SUMF1: variants seen among roughly 807,000 people sequenced by gnomAD.
SUMF1 encodes the protein sulfatase modifying factor 1, also known as formylglycine-generating enzyme.
Under a neutral mutation model 47.6 loss-of-function variants are expected in SUMF1, and 48 were observed. The ratio of observed to expected loss-of-function variants is 1.01; its 90% CI spans 0.80 to 1.28. The LOEUF (loss-of-function observed/expected upper bound fraction) is 1.28, where lower values mean the gene tolerates loss of function less well. SUMF1 is among the 50% of genes most tolerant of loss of function. The pLI, the probability that SUMF1 is intolerant of heterozygous loss-of-function variation, is 0.00. For missense variants in SUMF1, 571 were observed against 485.4 expected (o/e 1.18, Z -1.66); for synonymous variants, 230 against 192.1 (o/e 1.20, Z -1.63).
intron 8 of SUMF1, among the ~76,000 whole-genome samples, chr3:4,256,494 G>A (rs1430197851): frequency 2.0e-5 from 3 of 146,356 alleles, no homozygotes; most frequent in Non-Finnish European, 1.5e-5. Context: ...ACACCTCTAT[G>A]CAAATAAACT....
At chr3:4,344,442 A>C (rs987169457) in intron 8 of SUMF1, among the ~76,000 whole-genome samples, 2 of 152,178 alleles carry the variant, frequency 1.3e-5, no homozygotes, top group African/African-American at 4.8e-5. Context: ...CCTACAGAAG[A>C]GGGACCTGAC....
intron 8 of SUMF1, among the ~76,000 whole-genome samples, chr3:4,155,757 C>A (rs909113437): frequency 6.6e-6 from 1 of 151,272 alleles, no homozygotes; most frequent in African/African-American, 2.5e-5. Flanking sequence ...CCTGTCAGTC[C>A]GAAGCATCCC....
intron 8 of SUMF1, among the ~76,000 whole-genome samples, chr3:4,198,188 AAG>A (rs1193911573): frequency 3.3e-5 from 5 of 152,212 alleles, no homozygotes; most frequent in Admixed American, 2.6e-4. Flanking sequence ...GGTATAAACA[AAG>A]AGTGGAAATA....
chr3:4,334,810 G>A (rs1417180763), intron 8 of SUMF1, among the ~76,000 whole-genome samples: 1 of 152,184 alleles, frequency 6.6e-6, no homozygotes, highest in East Asian at 1.9e-4. Flanking sequence ...AGCCCTGATG[G>A]GAATTTTAAC....
At chr3:4,142,583 C>T (rs1391657552) in intron 8 of SUMF1, among the ~76,000 whole-genome samples, 1 of 152,120 alleles carries the variant, frequency 6.6e-6, no homozygotes, top group Non-Finnish European at 1.5e-5. Flanking sequence ...CTAACACAAA[C>T]AGTTTTCTGC....
chr3:4,407,761 A>G lies in SUMF1; in HGVS notation c.954+3104T>C, dbSNP rs184728897. Among the ~76,000 whole-genome samples, 4 of 152,352 alleles carry G rather than the reference A, an allele frequency of 2.6e-5. No homozygotes were observed. The East Asian group carries it at 5.8e-4, about 22-fold the overall frequency. On this transcript the variant is annotated intron_variant, in intron 7 of 8. Transcript: ENST00000272902. Reference sequence around the variant, plus strand: ...GTGAAACTGTTTTCCTTAGAGATCTATTGCCTCAAATGGCAGATGTAAGGC... The same window carrying G: ...GTGAAACTGTTTTCCTTAGAGATCTGTTGCCTCAAATGGCAGATGTAAGGC...
At chr3:4,152,525 T>A (rs1323044772) in intron 8 of SUMF1, among the ~76,000 whole-genome samples, 2 of 151,004 alleles carry the variant, frequency 1.3e-5, no homozygotes, top group African/African-American at 4.9e-5. Context: ...ACTCCTGGGC[T>A]CAAGTGATCC....
intron 8 of SUMF1, among the ~76,000 whole-genome samples, chr3:4,149,478 A>G (rs1344842974): frequency 6.6e-6 from 1 of 152,082 alleles, no homozygotes; most frequent in East Asian, 1.9e-4. Flanking sequence ...ACATCCCCAC[A>G]TGGTCACTGA....
At chr3:4,214,348 T>C (rs141914891) in intron 8 of SUMF1, among the ~76,000 whole-genome samples, 2,582 of 152,252 alleles carry the variant, frequency 0.017, 89 homozygotes, top group African/African-American at 0.059. Flanking sequence ...ATAGATGTTC[T>C]TTGAAACCAA....
rs766708835 is a variant in SUMF1 at position 4,362,107 on chromosome 3, G to A, written c.*37C>T. 2.5e-6 allele frequency: 4 copies of A among 1,589,498 alleles called. No individual in the cohort carries two copies. The highest frequency in any genetic ancestry group is 2.7e-5 in the African/African-American group (2 of 74,526). ...GAAAAGCCCAATGTAGGTCAGACACGACTGCTCCTTGGACTGGGGAAGACT... is the reference window on the plus strand; with the variant it reads ...GAAAAGCCCAATGTAGGTCAGACACAACTGCTCCTTGGACTGGGGAAGACT... On this transcript the variant is annotated 3_prime_UTR_variant, in exon 9 of 9. Coordinates refer to ENST00000272902, the MANE Select transcript of SUMF1 (RefSeq NM_182760.4).
rs1553610066 is a variant in SUMF1 at position 4,217,514 on chromosome 3, T to TATATATATATATATATATA, written c.1015-148770_1015-148769insTATATATATATATATATAT. ...TGTATCCCAGAACTTAAAGTATTTT[T>TATATATATATATATATATA]TATATATATATATATATATATATAT... is the stretch of plus-strand genomic sequence containing the variant. On this transcript the variant is annotated intron_variant and NMD_transcript_variant, in intron 8 of 12. Transcript: ENST00000448413. Among the ~76,000 whole-genome samples the TATATATATATATATATATA allele has an allele frequency of 1.4e-3, 63 of 45,168 alleles. 3 individuals are homozygous for TATATATATATATATATATA. The highest frequency in any genetic ancestry group is 5.6e-3 in the African/African-American group (54 of 9,616). The allele number at this position is 45,168 out of a possible 152,430, so 29.6% of individuals were successfully genotyped here. A position where few individuals can be genotyped will look rare whatever the true frequency, so the allele number is the denominator to read the frequency against.
chr3:4,329,372 T>C (rs1328895228), intron 8 of SUMF1, among the ~76,000 whole-genome samples: 5 of 152,240 alleles, frequency 3.3e-5, no homozygotes, highest in Admixed American at 1.3e-4. Context: ...GGCATTTCCG[T>C]ACATCCTCTG....
intron 8 of SUMF1, among the ~76,000 whole-genome samples, chr3:4,148,118 C>A (rs1368620524): frequency 6.6e-6 from 1 of 152,112 alleles, no homozygotes; most frequent in Non-Finnish European, 1.5e-5. Flanking sequence ...CCTACCCACT[C>A]CTTTGAACAA....
chr3:4,178,756 T>C (rs1027862038), intron 8 of SUMF1, among the ~76,000 whole-genome samples: 2 of 152,200 alleles, frequency 1.3e-5, no homozygotes, highest in African/African-American at 4.8e-5. Flanking sequence ...AAATTGTCTC[T>C]GTTTGCAGAT....
At chr3:4,245,112 A>G (rs1388821376) in intron 8 of SUMF1, among the ~76,000 whole-genome samples, 2 of 151,704 alleles carry the variant, frequency 1.3e-5, no homozygotes, top group Non-Finnish European at 2.9e-5. Flanking sequence ...TCTTCTCTAC[A>G]CTGGTTATTC....
At chr3:4,184,789 C>A (rs1191104221) in intron 8 of SUMF1, among the ~76,000 whole-genome samples, 1 of 151,652 alleles carries the variant, frequency 6.6e-6, no homozygotes, top group Admixed American at 6.6e-5. Flanking sequence ...GCTGGGATTA[C>A]AGGCACCTGC....
In SUMF1 at chr3:4,076,936, A is replaced by G. The variant is rs183742799; in HGVS notation, c.1015-8191T>C. ...GGAGAATGGCGTGAACCCGAGAGGCAGAGCTTGCAGTGAGCCGAGATCGTG... is the reference window on the plus strand; with the variant it reads ...GGAGAATGGCGTGAACCCGAGAGGCGGAGCTTGCAGTGAGCCGAGATCGTG... On this transcript the variant is annotated intron_variant and NMD_transcript_variant, in intron 8 of 12. Transcript: ENST00000448413. 8.6e-3 allele frequency among the ~76,000 whole-genome samples: 1,313 copies of G among 152,140 alleles called. 21 individuals are homozygous for G. The highest frequency in any genetic ancestry group is 0.03 in the African/African-American group (1,247 of 41,486).
chr3:4,071,367 G>A (rs1241814702), intron 8 of SUMF1, among the ~76,000 whole-genome samples: 1 of 152,132 alleles, frequency 6.6e-6, no homozygotes, highest in East Asian at 1.9e-4. Context: ...GAAACACCAG[G>A]GATTGAGGGA....
chr3:4,230,021 A>T (rs1696264023), intron 8 of SUMF1, among the ~76,000 whole-genome samples: 1 of 152,096 alleles, frequency 6.6e-6, no homozygotes, highest in Non-Finnish European at 1.5e-5. Flanking sequence ...ACCAAAAAAA[A>T]AGAAAAGAAA....
Sources: allele counts gnomAD v4.1 joint callset (sites outside exome capture counted in the v4.1 genomes callset), GRCh38; gene constraint gnomAD v4.1.1; transcripts MANE v1.5; gene names NCBI Gene and HGNC (gene_info 2026-07-23, HGNC 2026-07-21).